Variants in SVEP1 observed in about 807,000 individuals in gnomAD.
SVEP1 encodes sushi, von Willebrand factor type A, EGF and pentraxin domain-containing protein 1.
In SVEP1, 164 loss-of-function variants were observed where a neutral mutation model predicts 367.3. The ratio of observed to expected loss-of-function variants is 0.45; its 90% CI spans 0.39 to 0.51. The LOEUF is 0.51. Among genes scored for constraint, SVEP1 ranks in the 20% least tolerant of loss-of-function variants. SVEP1 has a pLI of 0.00. For synonymous variants in SVEP1, 1,666 were observed against 1,611.6 expected, an observed-to-expected ratio of 1.03 and a Z score of -0.81; for missense variants, 4,117 against 4,425.3, an observed-to-expected ratio of 0.93 and a Z score of 1.98.
chr9:110,488,584 G>C (rs1829321139), intron 9 of SVEP1, among the ~76,000 whole-genome samples: 1 of 152,134 alleles, frequency 6.6e-6, no homozygotes, highest in Non-Finnish European at 1.5e-5. Flanking sequence ...AAACGTAGCT[G>C]GGTGTGGTGG....
chr9:110,482,841 T>C (rs1829215015), intron 10 of SVEP1, among the ~76,000 whole-genome samples: 1 of 152,212 alleles, frequency 6.6e-6, no homozygotes, highest in Admixed American at 6.5e-5. Flanking sequence ...AGTCACTTTA[T>C]TAGTCTCTTA....
intron 24 of SVEP1, 93 bp downstream of exon 24, chr9:110,449,966 T>C: frequency 7.1e-7 from 1 of 1,406,166 alleles, no homozygotes; most frequent in South Asian, 1.3e-5. Context: ...AATGACTGAC[T>C]TGAGACTCAA....
chr9:110,458,672 A>G, intron 19 of SVEP1, 110 bp from the exon 20 acceptor site: 1 of 1,100,198 alleles, frequency 9.1e-7, no homozygotes, highest in Non-Finnish European at 1.3e-6. Context: ...AGCCACATAT[A>G]TTTTGTTTCA....
intron 18 of SVEP1, among the ~76,000 whole-genome samples, chr9:110,459,812 C>T (rs570306916): frequency 1.8e-4 from 28 of 151,980 alleles, no homozygotes; most frequent in African/African-American, 4.6e-4. Flanking sequence ...AGGGTGAAAA[C>T]GGAATTAGTT....
chr9:110,482,538 AT>A (rs534177554), intron 10 of SVEP1, 46 bp from the exon 11 acceptor site: 121 of 1,540,372 alleles, frequency 7.9e-5, no homozygotes, highest in South Asian at 2.2e-4. Context: ...TATTCACAAT[AT>A]TTTTTTTGAA....
chr9:110,523,995 T>C (rs891376459), intron 3 of SVEP1, among the ~76,000 whole-genome samples: 1 of 152,078 alleles, frequency 6.6e-6, no homozygotes, highest in African/African-American at 2.4e-5. Context: ...GCAGACTCCA[T>C]GGACATGGAA....
rs71371665 is a variant in SVEP1, at chr9:110,403,296, GTTTTTTTTTTTTTTT to G, written c.9666+1016_9666+1030del. On this transcript the variant is annotated intron_variant, in intron 39 of 47. Transcript: ENST00000374469. ...TGATGATTCCTTCCCCGCCACCGCC[GTTTTTTTTTTTTTTT>G]TTTTTTTTTTTTGACACGGAGTATT... is the stretch of plus-strand genomic sequence containing the variant. Among the ~76,000 whole-genome samples, 10 of 43,454 alleles carry G rather than the reference GTTTTTTTTTTTTTTT, an allele frequency of 2.3e-4. 1 individual carries two copies. The highest frequency in any genetic ancestry group is 8.3e-4 in the African/African-American group (7 of 8,390). 28.5% of individuals were successfully genotyped at this position (43,454 alleles called of 152,430 possible).
intron 36 of SVEP1, among the ~76,000 whole-genome samples, chr9:110,417,384 A>G (rs1175807435): frequency 1.1e-5 from 1 of 89,516 alleles, no homozygotes; most frequent in Non-Finnish European, 2.3e-5. Context: ...GGTCACTCCC[A>G]CCCGAATATT....
chr9:110,415,072 C>T (rs1036214225), intron 36 of SVEP1, among the ~76,000 whole-genome samples: 1 of 151,942 alleles, frequency 6.6e-6, no homozygotes, highest in African/African-American at 2.4e-5. Flanking sequence ...TGAAAACCCC[C>T]TACGTTTGAG....
At chr9:110,452,343 A>G (rs1409999326) in intron 22 of SVEP1, among the ~76,000 whole-genome samples, 2 of 152,190 alleles carry the variant, frequency 1.3e-5, no homozygotes, top group African/African-American at 2.4e-5. Flanking sequence ...CTTTTCTCAT[A>G]GTATGTGTCT....
chr9:110,533,943 C>A (rs925530858), intron 3 of SVEP1, among the ~76,000 whole-genome samples: 6 of 152,136 alleles, frequency 3.9e-5, no homozygotes, highest in Non-Finnish European at 8.8e-5. Flanking sequence ...AATGACTGAG[C>A]AATGAGTGCT....
At chr9:110,514,249 C>T (rs574624195) in intron 3 of SVEP1, 143 bp from the exon 4 acceptor site, 21 of 1,060,736 alleles carry the variant, frequency 2.0e-5, no homozygotes, top group South Asian at 7.5e-5. Flanking sequence ...TGGTGGCTCA[C>T]GCCTGTAATC....
intron 18 of SVEP1, among the ~76,000 whole-genome samples, chr9:110,462,507 A>T (rs1033646071): frequency 6.6e-6 from 1 of 150,836 alleles, no homozygotes; most frequent in Admixed American, 6.7e-5. Context: ...ATATATAAAC[A>T]TACACATATA....
chr9:110,529,654 A>AT (rs776362493), intron 3 of SVEP1, among the ~76,000 whole-genome samples: 2 of 150,622 alleles, frequency 1.3e-5, no homozygotes, highest in East Asian at 2.0e-4. Flanking sequence ...TATTTATTTG[A>AT]TTTTCAGCTT....
chr9:110,396,665 C>T (rs1170309061), intron 40 of SVEP1, among the ~76,000 whole-genome samples: 1 of 111,916 alleles, frequency 8.9e-6, no homozygotes, highest in Admixed American at 9.7e-5. Flanking sequence ...GAGGGGATAT[C>T]ACCACTGATC....
chr9:110,498,991 T>A (rs1829491070), intron 7 of SVEP1, 50 bp downstream of exon 7: 3 of 1,533,338 alleles, frequency 2.0e-6, no homozygotes, highest in Admixed American at 3.7e-5. Context: ...TGCACCCATA[T>A]GGCAATATTA....
At position 110,408,090 on chromosome 9, in the gene SVEP1, T is replaced by C. The variant is rs1400205943; in HGVS notation, c.7510A>G (p.Ile2504Val). 5.6e-6 allele frequency: 9 copies of C among 1,613,904 alleles called. No individual in the cohort carries two copies. In the East Asian group the frequency reaches 1.6e-4, roughly 28 times the overall value. ...KAIECLKPKE[I>V]LNGKFSYTDL... ...GTGTAAGAGAATTTGCCATTCAAAA[T>C]CTCCTTGGGTTTCAGGCACTCAATG... The change falls in exon 38 of 48, where the codon ATT becomes GTT. Residue 2504 changes from isoleucine to valine, a missense_variant. By Grantham distance (29) the Ile-to-Val change is conservative. Coordinates refer to ENST00000374469, the MANE Select transcript of SVEP1 (RefSeq NM_153366.4).
At chr9:110,469,401 C>T (rs564800902) in intron 16 of SVEP1, among the ~76,000 whole-genome samples, 20 of 152,154 alleles carry the variant, frequency 1.3e-4, no homozygotes, top group African/African-American at 4.3e-4. Flanking sequence ...CAGATCATCA[C>T]GGGAAAGACA....
chr9:110,450,082 A>G lies in SVEP1; in HGVS notation c.4080T>C (p.Cys1360=), dbSNP rs1355720245. The G allele has an allele frequency of 6.2e-7, 1 of 1,613,810 alleles. No homozygotes were observed. The highest frequency in any genetic ancestry group is 2.2e-5 in the East Asian group (1 of 44,898). The change falls in exon 24 of 48, where the codon TGT becomes TGC. Residue 1360 remains cysteine (C), a synonymous_variant. Transcript: ENST00000374469. ...LSQPCKNGAT[C]KDGANSFRCL... is the part of the protein sequence containing the mutation. The stretch of plus-strand genomic sequence containing the variant: ...ACCTGAAGCTATTGGCACCGTCTTT[A>G]CAGGTAGCTCCATTTTTGCATGGCT...
Sources: gnomAD v4.1 joint callset for allele counts (sites outside exome capture counted in the v4.1 genomes callset) on GRCh38, gnomAD v4.1.1 for gene constraint, MANE v1.5 for transcripts, NCBI Gene and HGNC (gene_info 2026-07-23, HGNC 2026-07-21) for gene names.